SLC25A12: variants seen among roughly 807,000 people sequenced by gnomAD.
The protein encoded by SLC25A12 is electrogenic aspartate/glutamate antiporter SLC25A12, mitochondrial.
Under a neutral mutation model 83.3 loss-of-function variants are expected in SLC25A12, and 32 were observed. That is an observed-to-expected ratio of 0.38 (90% confidence interval 0.29 to 0.52). The LOEUF is 0.52. Ranked by LOEUF, SLC25A12 falls within the 20% of genes least tolerant of loss-of-function variation. The probability of loss-of-function intolerance (pLI) is 0.84; values close to 1 mark genes in which losing one functional copy is unlikely to be tolerated. For synonymous variants in SLC25A12, 267 were observed against 291.1 expected (o/e 0.92, Z 0.84); for missense variants, 611 against 835.6 (o/e 0.73, Z 3.31).
chr2:171,877,613 C>T (rs1388838733), intron 2 of SLC25A12, among the ~76,000 whole-genome samples: 1 of 149,640 alleles, frequency 6.7e-6, no homozygotes, highest in Non-Finnish European at 1.5e-5. Context: ...TGCAGTAAGC[C>T]GAGATCGTGC....
At chr2:171,866,152 G>T (rs1685292194) in intron 3 of SLC25A12, among the ~76,000 whole-genome samples, 1 of 137,098 alleles carries the variant, frequency 7.3e-6, no homozygotes, top group East Asian at 2.1e-4. Context: ...AGAGCACAGG[G>T]TTGGGGGTAA....
At chr2:171,792,865 C>T (rs1406044779) in intron 14 of SLC25A12, among the ~76,000 whole-genome samples, 2 of 151,984 alleles carry the variant, frequency 1.3e-5, no homozygotes, top group Non-Finnish European at 1.5e-5. Context: ...TTGCAGTTAC[C>T]GAAACAAATT....
intron 13 of SLC25A12, among the ~76,000 whole-genome samples, chr2:171,800,172 A>C (rs919302346): frequency 3.2e-4 from 49 of 152,208 alleles, no homozygotes; most frequent in African/African-American, 1.2e-3. Flanking sequence ...CATCATTAAT[A>C]AAAGTAATAA....
At chr2:171,823,937 T>C (rs1684245591) in intron 9 of SLC25A12, among the ~76,000 whole-genome samples, 1 of 53,168 alleles carries the variant, frequency 1.9e-5, no homozygotes, top group Non-Finnish European at 3.4e-5. Flanking sequence ...TGAGACCCTG[T>C]CTCCACAAAA....
intron 13 of SLC25A12, among the ~76,000 whole-genome samples, chr2:171,800,935 T>C (rs1213594663): frequency 6.6e-6 from 1 of 152,114 alleles, no homozygotes; most frequent in East Asian, 1.9e-4. Flanking sequence ...TGTGGTTGCA[T>C]GGGGTAAGGG....
intron 2 of SLC25A12, among the ~76,000 whole-genome samples, chr2:171,876,762 A>C (rs1574001991): frequency 6.6e-6 from 1 of 152,220 alleles, no homozygotes; most frequent in East Asian, 1.9e-4. Flanking sequence ...GTGTTTTCAA[A>C]GGATGAACTA....
chr2:171,798,395 CTTTG>C (rs1683642093), intron 13 of SLC25A12, among the ~76,000 whole-genome samples: 1 of 152,168 alleles, frequency 6.6e-6, no homozygotes, highest in African/African-American at 2.4e-5. Flanking sequence ...GTGCCAAGTC[CTTTG>C]TTTATTTCCT....
Position 171,834,067 on chromosome 2 carries a change from GA to G in SLC25A12, c.752-12del, listed in dbSNP as rs763108216. The G allele has an allele frequency of 7.4e-5, 110 of 1,482,248 alleles. No homozygotes were observed. The highest frequency in any genetic ancestry group is 1.7e-4 in the Middle Eastern group (1 of 5,794). The allele number at this position is 1,482,248 out of a possible 1,614,324, so 91.8% of individuals were successfully genotyped here. ...TCTGGGCAAATTCCTCTGGAACAGA[GA>G]AAAAAAAAGTTAAAATCTTGAATGA... On this transcript the variant is annotated splice_polypyrimidine_tract_variant and intron_variant, in intron 7 of 17. Transcript: ENST00000422440.
rs970208012 is a variant in SLC25A12 at position 171,868,227 on chromosome 2, T to C, written c.209+454A>G. ...TTTTAAAAACATATTTTCTAATTACTAATGAGCAACTTGGTAATTACTAAT... is the reference window on the plus strand; with the variant it reads ...TTTTAAAAACATATTTTCTAATTACCAATGAGCAACTTGGTAATTACTAAT... On this transcript the variant is annotated intron_variant, in intron 3 of 17. Coordinates refer to ENST00000422440, the MANE Select transcript of SLC25A12 (RefSeq NM_003705.5). 1.3e-4 allele frequency among the ~76,000 whole-genome samples: 19 copies of C among 151,790 alleles called. 2 individuals carry two copies. The highest frequency in any genetic ancestry group is 4.6e-4 in the African/African-American group (19 of 41,490).
At chr2:171,813,205 G>T in intron 11 of SLC25A12, 134 bp downstream of exon 11, 1 of 868,024 alleles carries the variant, frequency 1.2e-6, no homozygotes, top group South Asian at 1.4e-5. Context: ...AATGAGCAAA[G>T]AGAAAATAAA....
chr2:171,826,685 T>C, intron 9 of SLC25A12, 113 bp downstream of exon 9: 1 of 727,286 alleles, frequency 1.4e-6, no homozygotes, highest in Non-Finnish European at 2.5e-6. Flanking sequence ...AAGTAAAGTC[T>C]TTCTCTGGAA....
rs139180414 is a variant in SLC25A12, at chr2:171,805,961, T to C, written c.1305+3645A>G. Among the ~76,000 whole-genome samples, 22 of 151,648 alleles carry C rather than the reference T, an allele frequency of 1.5e-4. 1 individual carries two copies. Among genetic ancestry groups the C allele is most frequent in the African/African-American group, 5.3e-4 (22 of 41,310 alleles). On this transcript the variant is annotated intron_variant, in intron 13 of 17. Transcript: ENST00000422440. ...CCATCTCTACAAAAAATACAAAAAT[T>C]AGCAGAGGATGGTGGCATGCACCTG... is the stretch of plus-strand genomic sequence containing the variant.
intron 2 of SLC25A12, among the ~76,000 whole-genome samples, chr2:171,869,555 G>A (rs1573997158): frequency 6.6e-6 from 1 of 152,104 alleles, no homozygotes; most frequent in Non-Finnish European, 1.5e-5. Flanking sequence ...CCAGTAGCCA[G>A]AAATAGGAAA....
intron 3 of SLC25A12, among the ~76,000 whole-genome samples, chr2:171,859,206 C>T (rs999728751): frequency 6.6e-6 from 1 of 152,190 alleles, no homozygotes; most frequent in Non-Finnish European, 1.5e-5. Context: ...GGGTAATACT[C>T]AGCCATCCCT....
Position 171,809,827 on chromosome 2 carries a change from G to A in SLC25A12, c.1225-141C>T, listed in dbSNP as rs563688401. On this transcript the variant is annotated intron_variant, in intron 12 of 17. Transcript: ENST00000422440. ...AATGCTTACATGTAAAATTAAAGTT[G>A]TACAAATTCTGCGACAGTGTGCCAG... The A allele has an allele frequency of 4.2e-5, 31 of 731,142 alleles. No homozygotes were observed. The African/African-American group carries it at 5.3e-4, about 12-fold the overall frequency. 45.3% of individuals were successfully genotyped at this position (731,142 alleles called of 1,614,324 possible).
At chr2:171,852,341 G>A (rs1684951601) in intron 4 of SLC25A12, among the ~76,000 whole-genome samples, 1 of 152,106 alleles carries the variant, frequency 6.6e-6, no homozygotes, top group East Asian at 1.9e-4. Flanking sequence ...AATTTGATGT[G>A]TATAAAATCA....
intron 5 of SLC25A12, among the ~76,000 whole-genome samples, chr2:171,842,286 AC>A (rs1252658228): frequency 6.6e-6 from 1 of 151,820 alleles, no homozygotes; most frequent in African/African-American, 2.4e-5. Flanking sequence ...AAAAAAAAAA[AC>A]AGATGCAAAA....
At chr2:171,877,967 T>C (rs909297594) in intron 2 of SLC25A12, among the ~76,000 whole-genome samples, 1 of 152,214 alleles carries the variant, frequency 6.6e-6, no homozygotes, top group Non-Finnish European at 1.5e-5. Context: ...AAAAATTATA[T>C]GGTGTATCAA....
chr2:171,861,567 C>G (rs931895001), intron 3 of SLC25A12, among the ~76,000 whole-genome samples: 4 of 152,036 alleles, frequency 2.6e-5, no homozygotes, highest in Admixed American at 2.0e-4. Context: ...CCAGGATGCT[C>G]GGTTAATTTT....
Sources: allele counts gnomAD v4.1 joint callset (sites outside exome capture counted in the v4.1 genomes callset), GRCh38; gene constraint gnomAD v4.1.1; transcripts MANE v1.5; gene names NCBI Gene and HGNC (gene_info 2026-07-23, HGNC 2026-07-21).